LARP4B: variants seen among roughly 807,000 people sequenced by gnomAD.
The protein encoded by LARP4B is la-related protein 4B.
Under a neutral mutation model 89.8 loss-of-function variants are expected in LARP4B, and 12 were observed. The observed-to-expected ratio is 0.13, with a 90% CI of 0.09 to 0.22. LARP4B has a LOEUF of 0.22. Ranked by LOEUF, LARP4B falls within the 10% of genes least tolerant of loss-of-function variation. The pLI, the probability that LARP4B is intolerant of heterozygous loss-of-function variation, is 1.00. For synonymous variants in LARP4B, 367 were observed against 363.3 expected (o/e 1.01, Z -0.12); for missense variants, 757 against 947.7 (o/e 0.80, Z 2.64).
chr10:865,743 A>T (rs1048244761), intron 3 of LARP4B, among the ~76,000 whole-genome samples: 2 of 152,220 alleles, frequency 1.3e-5, no homozygotes, highest in Non-Finnish European at 2.9e-5. Context: ...CAAACACACA[A>T]TCCTTCAACA....
chr10:923,039 C>T (rs182367845), intron 1 of LARP4B, among the ~76,000 whole-genome samples: 161 of 151,870 alleles, frequency 1.1e-3, no homozygotes, highest in African/African-American at 3.8e-3. Flanking sequence ...TGTGCCACTG[C>T]ACTCCAGCCT....
intron 13 of LARP4B, among the ~76,000 whole-genome samples, chr10:821,110 T>G (rs971710600): frequency 2.4e-4 from 37 of 152,358 alleles, no homozygotes; most frequent in African/African-American, 7.5e-4. Context: ...AACTCCCTGG[T>G]GCCTCCTTGG....
intron 3 of LARP4B, 108 bp from the exon 4 acceptor site, chr10:864,378 C>A: frequency 2.9e-6 from 3 of 1,040,692 alleles, no homozygotes; most frequent in Admixed American, 2.2e-5. Flanking sequence ...AAAGGCTCAG[C>A]CTATGTATTT....
chr10:908,543 A>G (rs980588285), intron 1 of LARP4B, among the ~76,000 whole-genome samples: 7 of 120,300 alleles, frequency 5.8e-5, no homozygotes, highest in Non-Finnish European at 1.1e-4. Flanking sequence ...ATTCTGTGGG[A>G]CCTGACACTA....
At chr10:925,315 T>C (rs561407807) in intron 1 of LARP4B, among the ~76,000 whole-genome samples, 18 of 152,204 alleles carry the variant, frequency 1.2e-4, no homozygotes, top group Admixed American at 1.3e-4. Context: ...AGGAAGAAAA[T>C]GAACCCTTTT....
intron 8 of LARP4B, 77 bp downstream of exon 8, chr10:836,326 A>G (rs1833216904): frequency 7.5e-6 from 8 of 1,070,942 alleles, no homozygotes; most frequent in Non-Finnish European, 4.2e-6. Context: ...AAAAAAACAC[A>G]AAAGTAAAAT....
intron 7 of LARP4B, among the ~76,000 whole-genome samples, chr10:841,196 A>G (rs759533421): frequency 3.9e-5 from 6 of 152,224 alleles, no homozygotes; most frequent in Admixed American, 6.5e-5. Flanking sequence ...AATTTAAAAA[A>G]AAAGTAAGAT....
chr10:859,514 T>A (rs957639030), intron 5 of LARP4B, among the ~76,000 whole-genome samples: 1 of 152,152 alleles, frequency 6.6e-6, no homozygotes, highest in Admixed American at 6.5e-5. Context: ...GATCCAGCAA[T>A]CACACTCCTG....
chr10:821,730 T>G (rs1319489481), intron 13 of LARP4B, among the ~76,000 whole-genome samples: 1 of 152,232 alleles, frequency 6.6e-6, no homozygotes, highest in Non-Finnish European at 1.5e-5. Context: ...TAAGATGGCC[T>G]AACAGTGGAA....
At chr10:907,267 C>T (rs1489972245) in intron 1 of LARP4B, among the ~76,000 whole-genome samples, 1 of 152,072 alleles carries the variant, frequency 6.6e-6, no homozygotes, top group African/African-American at 2.4e-5. Flanking sequence ...CTTGTGGCAA[C>T]AAATGTGGGA....
At chr10:922,876 C>T (rs1199352528) in intron 1 of LARP4B, among the ~76,000 whole-genome samples, 1 of 152,068 alleles carries the variant, frequency 6.6e-6, no homozygotes, top group Non-Finnish European at 1.5e-5. Context: ...AGATTGAGTC[C>T]ATCCTGGCTA....
At chr10:831,585 C>T (rs996670307) in intron 8 of LARP4B, among the ~76,000 whole-genome samples, 2 of 152,108 alleles carry the variant, frequency 1.3e-5, no homozygotes, top group African/African-American at 2.4e-5. Context: ...AGGGAACAAG[C>T]CCAGGGAAGG....
chr10:896,453 A>T (rs1163355042), intron 1 of LARP4B, among the ~76,000 whole-genome samples: 1 of 152,220 alleles, frequency 6.6e-6, no homozygotes, highest in Non-Finnish European at 1.5e-5. Flanking sequence ...GAAATGCAAA[A>T]GCAGACAAGA....
chr10:971,143 T>C, the LARP4B span: 7 of 152,246 alleles, frequency 4.6e-5, no homozygotes, highest in East Asian at 1.9e-4. Context: ...TTTCCTCCAA[T>C]TTAAATCATT....
intron 3 of LARP4B, among the ~76,000 whole-genome samples, chr10:878,067 A>T (rs1445379314): frequency 1.3e-5 from 2 of 152,164 alleles, no homozygotes; most frequent in Non-Finnish European, 2.9e-5. Flanking sequence ...GAACCAATTG[A>T]GGCAGAGAGC....
At chr10:846,750 G>A (rs1271622635) in intron 5 of LARP4B, among the ~76,000 whole-genome samples, 1 of 152,160 alleles carries the variant, frequency 6.6e-6, no homozygotes, top group African/African-American at 2.4e-5. Flanking sequence ...CTGAGGACAG[G>A]GCACTAGGGA....
chr10:826,194 C>T (rs534983232), intron 11 of LARP4B, among the ~76,000 whole-genome samples: 37 of 152,344 alleles, frequency 2.4e-4, no homozygotes, highest in African/African-American at 7.5e-4. Flanking sequence ...CAGTCTGATA[C>T]GACCTCCATC....
At chr10:929,029 G>T (rs192145192) in intron 1 of LARP4B, among the ~76,000 whole-genome samples, 1 of 152,060 alleles carries the variant, frequency 6.6e-6, no homozygotes, top group East Asian at 1.9e-4. Context: ...CAATCTTCCC[G>T]AACATTAAAC....
the LARP4B span, among the ~76,000 whole-genome samples, chr10:978,685 T>A: frequency 3.3e-5 from 5 of 152,214 alleles, no homozygotes; most frequent in Non-Finnish European, 7.3e-5. Context: ...TCTTGATTTA[T>A]AGGCTTTATT....
Sources: gnomAD v4.1 joint callset for allele counts (sites outside exome capture counted in the v4.1 genomes callset) on GRCh38, gnomAD v4.1.1 for gene constraint, MANE v1.5 for transcripts, NCBI Gene and HGNC (gene_info 2026-07-23, HGNC 2026-07-21) for gene names.